The following GABRB1 variants were observed in gnomAD, a reference collection of about 807,000 sequenced individuals.
GABRB1 encodes the protein gamma-aminobutyric acid type A receptor subunit beta1.
Under a neutral mutation model 51.6 loss-of-function variants are expected in GABRB1, and 17 were observed. The ratio of observed to expected loss-of-function variants is 0.33; its 90% confidence interval spans 0.23 to 0.49. GABRB1 has a LOEUF of 0.49. Among genes scored for constraint, GABRB1 ranks in the 20% least tolerant of loss-of-function variants. GABRB1 has a pLI of 0.99. For synonymous variants in GABRB1, 247 were observed against 218.9 expected, an observed-to-expected ratio of 1.13 and a Z score of -1.14; for missense variants, 410 against 600.6, an observed-to-expected ratio of 0.68 and a Z score of 3.32.
intron 5 of GABRB1, among the ~76,000 whole-genome samples, chr4:47,324,292 T>G (rs1407764939): frequency 6.6e-6 from 1 of 152,184 alleles, no homozygotes. Context: ...CTGCCCGCTG[T>G]GCTTAGAATT....
At chr4:47,123,396 A>G (rs1478394616) in intron 3 of GABRB1, among the ~76,000 whole-genome samples, 1 of 121,264 alleles carries the variant, frequency 8.2e-6, no homozygotes, top group African/African-American at 3.3e-5. Context: ...TATATATATT[A>G]CATATATACA....
At chr4:47,033,476 T>C (rs1725426324) in intron 3 of GABRB1, among the ~76,000 whole-genome samples, 1 of 152,190 alleles carries the variant, frequency 6.6e-6, no homozygotes, top group Non-Finnish European at 1.5e-5. Context: ...TAGATCTACG[T>C]GAGCAAAATG....
chr4:47,407,255 G>A (rs1728608612), intron 8 of GABRB1, among the ~76,000 whole-genome samples: 1 of 152,188 alleles, frequency 6.6e-6, no homozygotes, highest in Non-Finnish European at 1.5e-5. Flanking sequence ...ATTCCTAAAT[G>A]GAGATGAGGC....
At chr4:47,343,026 A>G (rs1725960081) in intron 5 of GABRB1, among the ~76,000 whole-genome samples, 1 of 152,132 alleles carries the variant, frequency 6.6e-6, no homozygotes, top group Non-Finnish European at 1.5e-5. Context: ...TTGGATAATC[A>G]GCCAAGTAGA....
intron 5 of GABRB1, among the ~76,000 whole-genome samples, chr4:47,378,099 G>A (rs937771495): frequency 2.6e-5 from 4 of 152,196 alleles, no homozygotes; most frequent in Non-Finnish European, 4.4e-5. Flanking sequence ...AGGGGGTGGC[G>A]CTTGTCAGGG....
chr4:47,227,101 C>T (rs751681232), intron 4 of GABRB1, among the ~76,000 whole-genome samples: 5 of 152,132 alleles, frequency 3.3e-5, no homozygotes, highest in Non-Finnish European at 7.4e-5. Flanking sequence ...GAGAGGAATG[C>T]CGCAGGTGCC....
intron 4 of GABRB1, among the ~76,000 whole-genome samples, chr4:47,237,884 A>G (rs1289069632): frequency 6.6e-6 from 1 of 152,032 alleles, no homozygotes; most frequent in African/African-American, 2.4e-5. Flanking sequence ...AAATACATTG[A>G]TTCTTTTTAT....
At chr4:47,172,284 T>C (rs184618652) in intron 4 of GABRB1, among the ~76,000 whole-genome samples, 173 of 152,338 alleles carry the variant, frequency 1.1e-3, no homozygotes, top group Middle Eastern at 6.8e-3. Context: ...TATTTTTGTA[T>C]ATCAATCTAA....
chr4:47,082,572 C>A (rs901423064), intron 3 of GABRB1, among the ~76,000 whole-genome samples: 4 of 152,042 alleles, frequency 2.6e-5, no homozygotes, highest in African/African-American at 9.7e-5. Flanking sequence ...TTAGACATGT[C>A]TGCCATTTAG....
chr4:47,370,427 T>TA (rs1297973656), intron 5 of GABRB1, among the ~76,000 whole-genome samples: 3 of 149,238 alleles, frequency 2.0e-5, no homozygotes, highest in Non-Finnish European at 1.5e-5. Context: ...GCGGAAGTCA[T>TA]AGTAAGCTGA....
intron 4 of GABRB1, among the ~76,000 whole-genome samples, chr4:47,284,750 C>G (rs1029692083): frequency 6.6e-6 from 1 of 152,052 alleles, no homozygotes; most frequent in African/African-American, 2.4e-5. Context: ...TATAAAAGCC[C>G]TAAAGAGTGG....
intron 3 of GABRB1, among the ~76,000 whole-genome samples, chr4:47,089,714 G>A (rs1429829583): frequency 2.0e-5 from 3 of 152,050 alleles, no homozygotes; most frequent in Non-Finnish European, 4.4e-5. Context: ...TAAATGATCA[G>A]ATTTATGATT....
intron 4 of GABRB1, among the ~76,000 whole-genome samples, chr4:47,276,971 A>G (rs1413055676): frequency 2.6e-5 from 4 of 152,212 alleles, no homozygotes; most frequent in Middle Eastern, 3.4e-3. Context: ...CTAACCTGGT[A>G]TCTAGGATCC....
chr4:47,278,120 C>T (rs1723153092), intron 4 of GABRB1, among the ~76,000 whole-genome samples: 1 of 152,072 alleles, frequency 6.6e-6, no homozygotes, highest in Non-Finnish European at 1.5e-5. Flanking sequence ...TGTATTGCAC[C>T]TGTAATCAAA....
chr4:47,166,401 G>A (rs1219393849), intron 4 of GABRB1, among the ~76,000 whole-genome samples: 1 of 151,806 alleles, frequency 6.6e-6, no homozygotes, highest in Non-Finnish European at 1.5e-5. Flanking sequence ...AGCCTACTCA[G>A]TGTGAAGACT....
chr4:47,093,764 G>A lies in GABRB1; in HGVS notation c.240+61280G>A, dbSNP rs867402776. On this transcript the variant is annotated intron_variant, in intron 3 of 8. Transcript: ENST00000295454. ...TAAGAGTTGATAAGGCACCTGCAAC[G>A]TCACAAATGTGCACAAATTATTATG... Among the ~76,000 whole-genome samples the A allele has an allele frequency of 7.9e-5, 12 of 152,228 alleles. No homozygotes were observed. In the East Asian group the frequency reaches 1.2e-3, roughly 15 times the overall value.
intron 4 of GABRB1, among the ~76,000 whole-genome samples, chr4:47,304,506 T>C (rs1256882290): frequency 6.6e-6 from 1 of 152,110 alleles, no homozygotes; most frequent in Non-Finnish European, 1.5e-5. Context: ...TTGATTTGTA[T>C]GAGTTTCTTA....
At chr4:47,311,467 C>G (rs988382116) in intron 4 of GABRB1, among the ~76,000 whole-genome samples, 9 of 132,472 alleles carry the variant, frequency 6.8e-5, no homozygotes, top group Non-Finnish European at 9.4e-5. Context: ...CTTAGTGGGC[C>G]CAATGTAATC....
At chr4:47,129,198 AAT>A (rs1395892106) in intron 3 of GABRB1, among the ~76,000 whole-genome samples, 1 of 152,112 alleles carries the variant, frequency 6.6e-6, no homozygotes, top group East Asian at 1.9e-4. Context: ...TATATTGCAC[AAT>A]CTTTGAGTGT....
Sources: allele counts gnomAD v4.1 joint callset (sites outside exome capture counted in the v4.1 genomes callset), GRCh38; gene constraint gnomAD v4.1.1; transcripts MANE v1.5; gene names NCBI Gene and HGNC (gene_info 2026-07-23, HGNC 2026-07-21).